Variants in PCDHA13 observed in about 807,000 individuals in gnomAD.
PCDHA13 encodes protocadherin alpha-13.
In PCDHA13, 54 loss-of-function variants were observed where a neutral mutation model predicts 64.8. The observed-to-expected ratio is 0.83, with a 90% CI of 0.67 to 1.04. The LOEUF (loss-of-function observed/expected upper bound fraction) is 1.04. Ranked by LOEUF, PCDHA13 falls within the 50% of genes least tolerant of loss-of-function variation. The pLI is 0.00. For missense variants in PCDHA13, 1,248 were observed against 1,254.3 expected (o/e 0.99, Z 0.08); for synonymous variants, 587 against 564.4 (o/e 1.04, Z -0.57).
intron 1 of PCDHA13, among the ~76,000 whole-genome samples, chr5:140,887,146 G>A (rs1160453059): frequency 9.9e-5 from 15 of 151,600 alleles, no homozygotes; most frequent in Non-Finnish European, 2.1e-4. Context: ...GCCCAGGCTG[G>A]AGTACAGTGG....
At chr5:140,885,930 AT>A (rs1188534786) in intron 1 of PCDHA13, among the ~76,000 whole-genome samples, 9 of 152,222 alleles carry the variant, frequency 5.9e-5, no homozygotes, top group Admixed American at 5.9e-4. Context: ...CTGTTTATCT[AT>A]TTTTTGACAT....
At chr5:140,887,544 CATGG>C (rs2061491541) in intron 1 of PCDHA13, among the ~76,000 whole-genome samples, 2 of 152,098 alleles carry the variant, frequency 1.3e-5, no homozygotes, top group Non-Finnish European at 2.9e-5. Context: ...CCCCACCCCT[CATGG>C]TTACTGTTAA....
Position 141,009,714 on chromosome 5 carries a change from A to G in PCDHA13, c.2630A>G (p.Lys877Arg), listed in dbSNP as rs1175529844. 1 of 1,613,966 alleles carries G rather than the reference A, an allele frequency of 6.2e-7. No homozygotes were observed. Among genetic ancestry groups the G allele is most frequent in the Non-Finnish European group, 8.5e-7 (1 of 1,180,012 alleles). Reference protein sequence around the residue: ...WTFKYGPGNPKQSGPGELPDK... With the variant: ...WTFKYGPGNPRQSGPGELPDK... ...TTTAAATACGGACCAGGCAACCCCA[A>G]ACAATCCGGTCCCGGTGAGTTGCCC... The change falls in exon 4 of 4, where the codon AAA becomes AGA. Residue 877 changes from lysine to arginine, a missense_variant. By Grantham distance (26) the Lys-to-Arg change is conservative. Transcript: ENST00000289272.
rs577931904 is a variant in PCDHA13 at position 140,968,275 on chromosome 5, G to A, written c.2395-10674G>A. On this transcript the variant is annotated intron_variant, in intron 1 of 3. Coordinates refer to ENST00000289272, the MANE Select transcript of PCDHA13 (RefSeq NM_018904.3). ...ACCCAGATGAAAAGGAGAATGCAGA[G>A]GTGACCTACTCCCTTCTGGAGAGGG... is the stretch of plus-strand genomic sequence containing the variant. The A allele has an allele frequency of 5.0e-6, 8 of 1,614,040 alleles. No individual in the cohort carries two copies. The African/African-American group carries it at 8.0e-5, about 16-fold the overall frequency.
At chr5:140,954,889 G>C (rs2095106564) in intron 1 of PCDHA13, among the ~76,000 whole-genome samples, 1 of 152,070 alleles carries the variant, frequency 6.6e-6, no homozygotes, top group East Asian at 1.9e-4. Flanking sequence ...TTCTTCTAGG[G>C]TTTTTATAGT....
chr5:140,906,798 C>T (rs1456677849), intron 1 of PCDHA13, among the ~76,000 whole-genome samples: 1 of 152,192 alleles, frequency 6.6e-6, no homozygotes, highest in Non-Finnish European at 1.5e-5. Context: ...TCCATGCATA[C>T]TCTTCCTTAC....
intron 1 of PCDHA13, among the ~76,000 whole-genome samples, chr5:140,906,181 T>C (rs944915696): frequency 6.6e-6 from 1 of 152,170 alleles, no homozygotes. Flanking sequence ...CTTTGCATCC[T>C]TCAATCCAAT....
chr5:140,942,733 T>C (rs1344147840), intron 1 of PCDHA13, among the ~76,000 whole-genome samples: 1 of 152,184 alleles, frequency 6.6e-6, no homozygotes, highest in Non-Finnish European at 1.5e-5. Context: ...TTGAAAAATA[T>C]TTTAAAATCT....
At chr5:140,932,415 T>C (rs1183410119) in intron 1 of PCDHA13, among the ~76,000 whole-genome samples, 2 of 151,922 alleles carry the variant, frequency 1.3e-5, no homozygotes, top group African/African-American at 4.8e-5. Context: ...GTTATATTAG[T>C]GTATTGTTCA....
At chr5:140,927,602 T>G (rs2084408838) in intron 1 of PCDHA13, 1 of 1,614,104 alleles carries the variant, frequency 6.2e-7, no homozygotes, top group African/African-American at 1.3e-5. Context: ...GAGCGCTCCG[T>G]ATACCGCACC....
intron 1 of PCDHA13, among the ~76,000 whole-genome samples, chr5:140,941,286 C>CTCTT (rs5871754): frequency 5.6e-5 from 6 of 106,818 alleles, no homozygotes; most frequent in African/African-American, 1.4e-4. Context: ...TCCTTCCTTT[C>CTCTT]TCTTTCTTTC....
chr5:140,883,444 T>C lies in PCDHA13; in HGVS notation c.1176T>C (p.His392=). ...AGGTCACCTGCACCTTGACGCCGCA[T>C]GTCCCCTTCAAGCTGGTGTCCACCT... ...NGQVTCTLTP[H]VPFKLVSTYK... Residue 392 remains histidine, a synonymous_variant, in exon 1 of 4, where the codon CAT becomes CAC. Transcript: ENST00000289272. 5 of 1,614,170 alleles carry C rather than the reference T, an allele frequency of 3.1e-6. No homozygotes were observed. Among genetic ancestry groups the C allele is most frequent in the Non-Finnish European group, 4.2e-6 (5 of 1,180,036 alleles).
chr5:140,895,647 C>T (rs954657912), intron 1 of PCDHA13, among the ~76,000 whole-genome samples: 1 of 151,996 alleles, frequency 6.6e-6, no homozygotes, highest in African/African-American at 2.4e-5. Context: ...TTTTTAGCTC[C>T]CACTTATAAG....
At chr5:140,987,592 G>A (rs150671243) in intron 3 of PCDHA13, among the ~76,000 whole-genome samples, 29 of 152,290 alleles carry the variant, frequency 1.9e-4, no homozygotes, top group Admixed American at 1.6e-3. Context: ...GAGAATAGTG[G>A]TGTCTACCTT....
intron 1 of PCDHA13, among the ~76,000 whole-genome samples, chr5:140,914,671 A>G (rs1012780806): frequency 2.6e-5 from 4 of 151,552 alleles, no homozygotes; most frequent in Non-Finnish European, 4.4e-5. Context: ...CTTCTTTTTC[A>G]TGAAAATAAT....
In PCDHA13 at chr5:140,967,370, G is replaced by A. The variant is rs1554229504; in HGVS notation, c.2395-11579G>A. ...CGAGCTGGACCTTAAGCCCCTGCAGGAGAACAGTAAAGTGCTTGAGCTGGT... is the reference window on the plus strand; with the variant it reads ...CGAGCTGGACCTTAAGCCCCTGCAGAAGAACAGTAAAGTGCTTGAGCTGGT... On this transcript the variant is annotated intron_variant, in intron 1 of 3. Transcript: ENST00000289272. The A allele has an allele frequency of 3.1e-6, 5 of 1,607,662 alleles. No individual in the cohort carries two copies. The South Asian group carries it at 3.3e-5, about 11-fold the overall frequency.
intron 1 of PCDHA13, chr5:140,927,106 A>G: frequency 6.2e-7 from 1 of 1,613,678 alleles, no homozygotes; most frequent in Non-Finnish European, 8.5e-7. Context: ...GGATCTACCC[A>G]GCGGCAATTT....
chr5:140,979,060 C>T, intron 2 of PCDHA13, 53 bp downstream of exon 2: 1 of 1,606,180 alleles, frequency 6.2e-7, no homozygotes, highest in Non-Finnish European at 8.5e-7. Context: ...TGGTATGGCT[C>T]AGATAAACTG....
In PCDHA13 at chr5:140,904,046, T is replaced by C. The variant is rs2153483198; in HGVS notation, c.2394+19384T>C. 2.0e-5 allele frequency among the ~76,000 whole-genome samples: 3 copies of C among 152,346 alleles called. No homozygotes were observed. The East Asian group carries it at 5.8e-4, about 29-fold the overall frequency. ...GTATAATTTAACTTTTTAATTTTTT[T>C]ATTTCAATGGGTTTTTGGGGAACAG... On this transcript the variant is annotated intron_variant, in intron 1 of 3. Coordinates refer to ENST00000289272, the MANE Select transcript of PCDHA13 (RefSeq NM_018904.3).
Sources: allele counts gnomAD v4.1 joint callset (sites outside exome capture counted in the v4.1 genomes callset), GRCh38; gene constraint gnomAD v4.1.1; transcripts MANE v1.5; gene names NCBI Gene and HGNC (gene_info 2026-07-23, HGNC 2026-07-21).